ZNF407: variants seen among roughly 807,000 people sequenced by gnomAD.
ZNF407 encodes the protein zinc finger protein 407.
ZNF407 carries 17 observed loss-of-function variants against 131.2 expected under a neutral mutation model. The ratio of observed to expected loss-of-function variants is 0.13; its 90% CI spans 0.09 to 0.19. The LOEUF (loss-of-function observed/expected upper bound fraction) is 0.19. Among genes scored for constraint, ZNF407 ranks in the 10% least tolerant of loss-of-function variants. The pLI, the probability that ZNF407 is intolerant of heterozygous loss-of-function variation, is 1.00. For synonymous variants in ZNF407, 1,156 were observed against 1,062.0 expected (o/e 1.09, Z -1.72); for missense variants, 2,681 against 2,830.6 (o/e 0.95, Z 1.20).
At chr18:75,016,578 C>T (rs1487423662) in intron 8 of ZNF407, among the ~76,000 whole-genome samples, 2 of 151,970 alleles carry the variant, frequency 1.3e-5, no homozygotes, top group African/African-American at 2.4e-5. Context: ...AGTTTAATGC[C>T]GTGGTAAAAG....
At position 74,632,364 on chromosome 18, in the gene ZNF407, A is replaced by G. The variant is rs1984151016; in HGVS notation, c.1345A>G (p.Ile449Val). 2 of 1,613,930 alleles carry G rather than the reference A, an allele frequency of 1.2e-6. No homozygotes were observed. Among genetic ancestry groups the G allele is most frequent in the African/African-American group, 1.3e-5 (1 of 74,948 alleles). ...AAAGAAAAGGTTTAATCTTTTAGGA[A>G]TTAAAAGAGGTACAAGTGAAACTCA... ...QAKKRFNLLG[I>V]KRGTSETQRM... The change falls in exon 2 of 9, where the codon ATT becomes GTT. Residue 449 changes from isoleucine to valine, a missense_variant. Physicochemically the swap from Ile to Val is conservative, Grantham distance 29. Around this residue, in one of 6 missense-constraint regions of ZNF407, gnomAD observed 1,789 missense variants for 1,748.7 expected, o/e 1.02. Coordinates refer to ENST00000299687, the MANE Select transcript of ZNF407 (RefSeq NM_017757.3).
At chr18:74,670,811 A>G (rs1986111591) in intron 3 of ZNF407, among the ~76,000 whole-genome samples, 1 of 152,178 alleles carries the variant, frequency 6.6e-6, no homozygotes, top group African/African-American at 2.4e-5. Flanking sequence ...GACTATAGGC[A>G]TGTGCCACCA....
At chr18:74,966,231 T>G (rs1972407673) in intron 8 of ZNF407, among the ~76,000 whole-genome samples, 2 of 152,150 alleles carry the variant, frequency 1.3e-5, no homozygotes. Flanking sequence ...CGCAAGAAAT[T>G]TTTGCCCAGA....
rs148861108 is a variant in ZNF407, at chr18:75,058,703, A to T, written c.5429-4447A>T. ...TCCCAAACGCTGTATCCATTTGGCC[A>T]TTTGCATTTGGTGAGCTTTACAGTT... is the stretch of plus-strand genomic sequence containing the variant. On this transcript the variant is annotated intron_variant, in intron 8 of 8. Coordinates refer to ENST00000299687, the MANE Select transcript of ZNF407 (RefSeq NM_017757.3). Among the ~76,000 whole-genome samples the T allele has an allele frequency of 1.8e-3, 270 of 152,234 alleles. 2 individuals are homozygous for T. The highest frequency in any genetic ancestry group is 6.3e-3 in the African/African-American group (260 of 41,534).
intron 4 of ZNF407, among the ~76,000 whole-genome samples, chr18:74,816,643 C>G (rs1250317533): frequency 1.3e-5 from 2 of 152,286 alleles, no homozygotes; most frequent in African/African-American, 4.8e-5. Flanking sequence ...AATAGTGATA[C>G]AATTGGATAT....
At chr18:74,809,897 G>C (rs1051673949) in intron 4 of ZNF407, among the ~76,000 whole-genome samples, 3 of 152,208 alleles carry the variant, frequency 2.0e-5, no homozygotes, top group Non-Finnish European at 4.4e-5. Context: ...AAATGTTGAA[G>C]GCAGAGCTGA....
chr18:74,970,401 G>A (rs1276421262), intron 8 of ZNF407, among the ~76,000 whole-genome samples: 2 of 152,090 alleles, frequency 1.3e-5, no homozygotes, highest in Non-Finnish European at 2.9e-5. Flanking sequence ...AGTCCCTTCC[G>A]CCTATGAGCC....
intron 1 of ZNF407, among the ~76,000 whole-genome samples, chr18:74,616,787 C>T (rs1983307290): frequency 6.7e-6 from 1 of 149,570 alleles, no homozygotes; most frequent in Non-Finnish European, 1.5e-5. Context: ...CATCCATATC[C>T]ACGCACCATA....
intron 4 of ZNF407, among the ~76,000 whole-genome samples, chr18:74,827,650 C>A (rs540991750): frequency 3.6e-4 from 55 of 152,306 alleles, no homozygotes; most frequent in African/African-American, 1.3e-3. Flanking sequence ...CTTTCTCCAG[C>A]TGTCTGTTTC....
intron 3 of ZNF407, among the ~76,000 whole-genome samples, chr18:74,746,920 G>T (rs1317812250): frequency 6.6e-6 from 1 of 152,058 alleles, no homozygotes; most frequent in African/African-American, 2.4e-5. Context: ...AATTAGTTAT[G>T]ATATACCTTT....
At chr18:75,039,672 GT>G (rs1973349586) in intron 8 of ZNF407, among the ~76,000 whole-genome samples, 1 of 133,938 alleles carries the variant, frequency 7.5e-6, no homozygotes, top group African/African-American at 2.8e-5. Flanking sequence ...AAAGTTTTGA[GT>G]TTTGCAGATT....
chr18:74,810,930 C>T (rs1310375979), intron 4 of ZNF407, among the ~76,000 whole-genome samples: 1 of 152,206 alleles, frequency 6.6e-6, no homozygotes, highest in Non-Finnish European at 1.5e-5. Context: ...CCATTCAGGA[C>T]ATAGGCATGG....
chr18:74,776,323 T>A (rs1402565599), intron 3 of ZNF407, among the ~76,000 whole-genome samples: 1 of 152,228 alleles, frequency 6.6e-6, no homozygotes, highest in Non-Finnish European at 1.5e-5. Context: ...CTGTTCTTTA[T>A]AACTTATCCA....
chr18:74,982,484 T>G (rs972226829), intron 8 of ZNF407, among the ~76,000 whole-genome samples: 1 of 150,294 alleles, frequency 6.7e-6, no homozygotes, highest in Non-Finnish European at 1.5e-5. Flanking sequence ...CCAGTGACTG[T>G]TGATTTGGAT....
intron 7 of ZNF407, among the ~76,000 whole-genome samples, chr18:74,901,679 TTA>T (rs1971526697): frequency 1.6e-4 from 1 of 6,350 alleles, no homozygotes; most frequent in African/African-American, 1.7e-4. Context: ...ATATATATTT[TTA>T]ATTGCTTCCT....
At chr18:74,959,314 T>G (rs762044797) in intron 8 of ZNF407, among the ~76,000 whole-genome samples, 3 of 152,208 alleles carry the variant, frequency 2.0e-5, no homozygotes, top group Non-Finnish European at 4.4e-5. Flanking sequence ...CAATCGTTGT[T>G]TAAGAGGCAG....
At chr18:74,653,983 A>G (rs1276369722) in intron 3 of ZNF407, among the ~76,000 whole-genome samples, 3 of 151,828 alleles carry the variant, frequency 2.0e-5, no homozygotes, top group East Asian at 3.9e-4. Flanking sequence ...TGAGTGCTCA[A>G]TTACAGACTT....
At chr18:74,944,873 A>C (rs7233581) in intron 8 of ZNF407, among the ~76,000 whole-genome samples, 4,423 of 152,292 alleles carry the variant, frequency 0.029, 241 homozygotes, top group African/African-American at 0.1. Context: ...AAAAAACCTC[A>C]GGGCCCAGAA....
intron 8 of ZNF407, among the ~76,000 whole-genome samples, chr18:74,977,851 A>G (rs1199332442): frequency 1.3e-5 from 2 of 152,104 alleles, no homozygotes; most frequent in Non-Finnish European, 2.9e-5. Context: ...GGTTGCTAGG[A>G]TTTGGGATTT....
Sources: gnomAD v4.1 joint callset for allele counts (sites outside exome capture counted in the v4.1 genomes callset) on GRCh38, gnomAD v4.1.1 for gene constraint, gnomAD v4.1.1 regional missense constraint, MANE v1.5 for transcripts, NCBI Gene and HGNC (gene_info 2026-07-23, HGNC 2026-07-21) for gene names.